RUNX1: variants seen among roughly 807,000 people sequenced by gnomAD.
RUNX1 encodes the protein runt-related transcription factor 1.
Under a neutral mutation model 42.8 loss-of-function variants are expected in RUNX1, and 19 were observed. The observed-to-expected ratio is 0.44, with a 90% confidence interval of 0.31 to 0.65. The LOEUF (loss-of-function observed/expected upper bound fraction) is 0.65. RUNX1 is among the 30% of genes least tolerant of loss of function. The pLI is 0.07. For missense variants in RUNX1, 528 were observed against 672.0 expected (o/e 0.79, Z 2.37); for synonymous variants, 271 against 289.4 (o/e 0.94, Z 0.64).
chr21:35,045,860 C>T (rs910525299), intron 2 of RUNX1, among the ~76,000 whole-genome samples: 4 of 152,086 alleles, frequency 2.6e-5, no homozygotes, highest in Non-Finnish European at 4.4e-5. Context: ...ACTTGAACCG[C>T]TGAGAAGACA....
chr21:34,842,179 T>C (rs755211162), intron 6 of RUNX1, among the ~76,000 whole-genome samples: 13 of 152,180 alleles, frequency 8.5e-5, no homozygotes, highest in Non-Finnish European at 1.8e-4. Context: ...ATATCATAAC[T>C]GAGCAGTTTC....
intron 6 of RUNX1, among the ~76,000 whole-genome samples, chr21:34,854,056 C>T (rs938043506): frequency 6.6e-6 from 1 of 152,142 alleles, no homozygotes; most frequent in East Asian, 1.9e-4. Context: ...TCAAGTGAGC[C>T]GCCCGCATTG....
At chr21:34,951,478 CA>C (rs2058606993) in intron 2 of RUNX1, among the ~76,000 whole-genome samples, 2 of 152,118 alleles carry the variant, frequency 1.3e-5, no homozygotes, top group Non-Finnish European at 2.9e-5. Flanking sequence ...GCAATCTATT[CA>C]TCTGACAAAG....
At chr21:34,800,266 G>A (rs995283946) in intron 7 of RUNX1, among the ~76,000 whole-genome samples, 1 of 152,322 alleles carries the variant, frequency 6.6e-6, no homozygotes, top group Non-Finnish European at 1.5e-5. Flanking sequence ...GCGTTCAAAG[G>A]AGTCTTAATT....
chr21:34,898,754 C>T (rs1169956941), intron 2 of RUNX1, among the ~76,000 whole-genome samples: 2 of 152,122 alleles, frequency 1.3e-5, no homozygotes, highest in Non-Finnish European at 1.5e-5. Flanking sequence ...AAAGTGAATG[C>T]GTACCTGAGC....
chr21:34,798,151 T>A (rs932978747), intron 8 of RUNX1: 1 of 456,520 alleles, frequency 2.2e-6, no homozygotes, highest in Non-Finnish European at 4.4e-6. Flanking sequence ...ACTGCCCCTG[T>A]GCCTGCCCCC....
At chr21:34,936,216 T>C (rs748080234) in intron 2 of RUNX1, among the ~76,000 whole-genome samples, 1 of 152,062 alleles carries the variant, frequency 6.6e-6, no homozygotes, top group Non-Finnish European at 1.5e-5. Context: ...CAAGCTGCCA[T>C]GTTCGTTTCC....
chr21:35,035,849 C>T (rs1216715247), intron 2 of RUNX1, among the ~76,000 whole-genome samples: 2 of 152,148 alleles, frequency 1.3e-5, no homozygotes, highest in African/African-American at 4.8e-5. Flanking sequence ...CTTCAGGTCA[C>T]GTGGTTGTGA....
intron 3 of RUNX1, among the ~76,000 whole-genome samples, chr21:34,889,433 C>T (rs930056118): frequency 1.3e-5 from 2 of 152,162 alleles, no homozygotes; most frequent in African/African-American, 4.8e-5. Flanking sequence ...CTCCGCGCGT[C>T]TCACTTGCTG....
intron 2 of RUNX1, among the ~76,000 whole-genome samples, chr21:34,960,261 G>A (rs983817783): frequency 3.9e-5 from 6 of 152,264 alleles, no homozygotes; most frequent in African/African-American, 7.2e-5. Flanking sequence ...CTGCTGCCCC[G>A]GCTCCCGATA....
rs182612219 is a variant in RUNX1 at position 34,977,026 on chromosome 21, C to G, written c.58+71816G>C. On this transcript the variant is annotated intron_variant, in intron 2 of 8. Coordinates refer to ENST00000675419, the MANE Select transcript of RUNX1 (RefSeq NM_001754.5). The stretch of plus-strand genomic sequence containing the variant: ...AAGTAATAGCTGTGAAAATATTTAT[C>G]TTCACCAATTCAATGGATATTCTTT... 5.0e-4 allele frequency among the ~76,000 whole-genome samples: 76 copies of G among 152,276 alleles called. 3 individuals are homozygous for G. The highest frequency in any genetic ancestry group is 3.7e-3 in the South Asian group (18 of 4,824).
intron 7 of RUNX1, among the ~76,000 whole-genome samples, chr21:34,802,477 T>G (rs1236948649): frequency 1.3e-5 from 2 of 152,212 alleles, no homozygotes; most frequent in African/African-American, 2.4e-5. Flanking sequence ...GTTGCTTCAT[T>G]CATTTATTCA....
chr21:34,889,000 C>T (rs2058040937), intron 3 of RUNX1, among the ~76,000 whole-genome samples: 1 of 151,370 alleles, frequency 6.6e-6, no homozygotes, highest in African/African-American at 2.4e-5. Flanking sequence ...CAGGCTTGTG[C>T]GGCTCCGCGA....
intron 5 of RUNX1, among the ~76,000 whole-genome samples, chr21:34,873,955 G>T (rs2834656): frequency 1.3e-5 from 2 of 152,024 alleles, no homozygotes; most frequent in Non-Finnish European, 2.9e-5. Context: ...CAAAACGAGC[G>T]CATGTCATAG....
chr21:35,005,119 A>G (rs942263588), intron 2 of RUNX1, among the ~76,000 whole-genome samples: 5 of 152,090 alleles, frequency 3.3e-5, no homozygotes, highest in African/African-American at 1.2e-4. Flanking sequence ...AGAGATCTCC[A>G]GAAATCATGT....
At chr21:34,910,919 C>T (rs574586104) in intron 2 of RUNX1, among the ~76,000 whole-genome samples, 56 of 152,186 alleles carry the variant, frequency 3.7e-4, no homozygotes, top group African/African-American at 1.1e-3. Context: ...TACAGACACA[C>T]GCCACCACAC....
intron 2 of RUNX1, among the ~76,000 whole-genome samples, chr21:34,988,325 T>C (rs1321609193): frequency 6.6e-6 from 1 of 152,164 alleles, no homozygotes; most frequent in African/African-American, 2.4e-5. Flanking sequence ...TGCTGCACTT[T>C]CGAGGACACC....
At chr21:34,858,763 G>C (rs980924787) in intron 6 of RUNX1, among the ~76,000 whole-genome samples, 1 of 152,122 alleles carries the variant, frequency 6.6e-6, no homozygotes, top group African/African-American at 2.4e-5. Context: ...CCTGGGGAAG[G>C]GTGTGGTTCT....
rs113313012 is a variant in RUNX1 at position 34,959,657 on chromosome 21, T to C, written c.59-66694A>G. Among the ~76,000 whole-genome samples, 1,489 of 152,278 alleles carry C rather than the reference T, an allele frequency of 9.8e-3. 24 individuals are homozygous for C. Among genetic ancestry groups the C allele is most frequent in the African/African-American group, 0.03 (1,229 of 41,562 alleles). ...AAGTTAAGGAGCTGGAAGCATCTCA[T>C]CCGGGTTGGGATGAGTGGTGGTGGG... On this transcript the variant is annotated intron_variant, in intron 2 of 8. Coordinates refer to ENST00000675419, the MANE Select transcript of RUNX1 (RefSeq NM_001754.5).
Sources: gnomAD v4.1 joint callset for allele counts (sites outside exome capture counted in the v4.1 genomes callset) on GRCh38, gnomAD v4.1.1 for gene constraint, MANE v1.5 for transcripts, NCBI Gene and HGNC (gene_info 2026-07-23, HGNC 2026-07-21) for gene names.